The following STK17A variants were observed in gnomAD, a reference collection of about 807,000 sequenced individuals.
STK17A encodes serine/threonine-protein kinase 17A.
Under a neutral mutation model 43.7 loss-of-function variants are expected in STK17A, and 26 were observed. The ratio of observed to expected loss-of-function variants is 0.60; its 90% CI spans 0.44 to 0.83. The LOEUF is 0.83. Among genes scored for constraint, STK17A ranks in the 40% least tolerant of loss-of-function variants. The probability of loss-of-function intolerance (pLI) is 0.00; values close to 1 mark genes in which losing one functional copy is unlikely to be tolerated. For synonymous variants in STK17A, 191 were observed against 182.5 expected (o/e 1.05, Z -0.38); for missense variants, 476 against 511.6 (o/e 0.93, Z 0.67).
intron 3 of STK17A, among the ~76,000 whole-genome samples, chr7:43,616,347 A>C (rs565194066): frequency 1.2e-4 from 18 of 152,242 alleles, no homozygotes; most frequent in African/African-American, 4.3e-4. Flanking sequence ...TTATACTACC[A>C]CTAGTCCTAA....
chr7:43,616,620 G>A (rs754903186), intron 3 of STK17A, among the ~76,000 whole-genome samples: 8 of 152,284 alleles, frequency 5.3e-5, no homozygotes, highest in Admixed American at 1.3e-4. Flanking sequence ...CCGTCTGGCC[G>A]GGCGCGGTGG....
intron 1 of STK17A, 110 bp from the exon 2 acceptor site, chr7:43,595,791 A>T: frequency 1.1e-6 from 1 of 920,628 alleles, no homozygotes; most frequent in Non-Finnish European, 1.6e-6. Context: ...TTGTGATTGT[A>T]TATAAGCTAA....
chr7:43,597,455 C>G (rs978886923), intron 2 of STK17A, among the ~76,000 whole-genome samples: 5 of 151,878 alleles, frequency 3.3e-5, no homozygotes, highest in African/African-American at 7.3e-5. Flanking sequence ...TTGGCACAAT[C>G]TCGGCTTACT....
intron 1 of STK17A, among the ~76,000 whole-genome samples, chr7:43,585,695 T>C (rs1257907127): frequency 1.3e-5 from 2 of 151,652 alleles, no homozygotes; most frequent in East Asian, 3.8e-4. Context: ...TTACTAGTTA[T>C]GTGGACTTGA....
At chr7:43,618,351 G>T (rs945496223) in intron 3 of STK17A, among the ~76,000 whole-genome samples, 20 of 152,288 alleles carry the variant, frequency 1.3e-4, no homozygotes, top group African/African-American at 4.8e-4. Context: ...AGGGCGTCCT[G>T]AACAAAGGCA....
At chr7:43,608,180 T>C in intron 2 of STK17A, 76 bp from the exon 3 acceptor site, 2 of 1,397,978 alleles carry the variant, frequency 1.4e-6, no homozygotes, top group South Asian at 1.4e-5. Context: ...CTGTAATTAA[T>C]TTACTCTGTA....
chr7:43,617,236 C>T (rs985562908), intron 3 of STK17A, among the ~76,000 whole-genome samples: 4 of 152,056 alleles, frequency 2.6e-5, no homozygotes, highest in Non-Finnish European at 5.9e-5. Context: ...TGGAGGTTAC[C>T]TAAGAGCAAT....
intron 2 of STK17A, among the ~76,000 whole-genome samples, chr7:43,603,988 A>G (rs1206902831): frequency 2.6e-5 from 4 of 152,216 alleles, no homozygotes; most frequent in African/African-American, 9.6e-5. Flanking sequence ...GGTCCCAAAC[A>G]TTTAAGAGAA....
intron 2 of STK17A, among the ~76,000 whole-genome samples, chr7:43,607,821 GTTCT>G (rs981652211): frequency 2.2e-4 from 34 of 152,192 alleles, no homozygotes; most frequent in African/African-American, 8.0e-4. Flanking sequence ...CCAAAATGCA[GTTCT>G]TTATTTCAAT....
chr7:43,590,901 A>G (rs1583547213), intron 1 of STK17A, among the ~76,000 whole-genome samples: 1 of 151,542 alleles, frequency 6.6e-6, no homozygotes, highest in East Asian at 1.9e-4. Flanking sequence ...AATTTAGGGA[A>G]CTCTGTCAAT....
chr7:43,590,876 C>T lies in STK17A; in HGVS notation c.207-5025C>T, dbSNP rs1455251353. On this transcript the variant is annotated intron_variant, in intron 1 of 6. Transcript: ENST00000319357. ...CATGGTAAAATATGCATGTTGGAGC[C>T]CTTTTGAGGTATGGAATTTAGGGAA... Among the ~76,000 whole-genome samples, 2 of 151,230 alleles carry T rather than the reference C, an allele frequency of 1.3e-5. 1 individual carries two copies. The highest frequency in any genetic ancestry group is 3.0e-5 in the Non-Finnish European group (2 of 67,554).
chr7:43,611,796 G>GT (rs1197165865), intron 3 of STK17A, among the ~76,000 whole-genome samples: 31 of 152,092 alleles, frequency 2.0e-4, no homozygotes, highest in Non-Finnish European at 4.1e-4. Flanking sequence ...TTTTAATGAT[G>GT]TTTTACTAGT....
intron 4 of STK17A, chr7:43,622,163 G>C (rs186779069): frequency 1.6e-3 from 244 of 152,264 alleles, no homozygotes; most frequent in African/African-American, 5.4e-3. Flanking sequence ...CCACAGTCTT[G>C]CTATGTGGTC....
rs542629454 is a variant in STK17A, at chr7:43,591,201, C to T, written c.207-4700C>T. ...CAGCATAGGATAGAGCAGGGGTCAG[C>T]AAACTACAGCCAGCCACCTATTTTT... On this transcript the variant is annotated intron_variant, in intron 1 of 6. Transcript: ENST00000319357. Among the ~76,000 whole-genome samples, 16 of 151,664 alleles carry T rather than the reference C, an allele frequency of 1.1e-4. 2 individuals carry two copies. Among genetic ancestry groups the T allele is most frequent in the African/African-American group, 3.1e-4 (13 of 41,498 alleles).
At chr7:43,585,856 C>G (rs1220358768) in intron 1 of STK17A, among the ~76,000 whole-genome samples, 2 of 151,374 alleles carry the variant, frequency 1.3e-5, no homozygotes, top group African/African-American at 2.4e-5. Flanking sequence ...AAATGTAACC[C>G]AAAAAGAAAA....
chr7:43,620,597 C>T (rs2083781472), intron 4 of STK17A, among the ~76,000 whole-genome samples: 1 of 151,542 alleles, frequency 6.6e-6, no homozygotes, highest in African/African-American at 2.4e-5. Flanking sequence ...TGGCGTGAAC[C>T]TGGGAGGCGG....
At chr7:43,583,801 A>AAACCAGAGGTCTG (rs2082420255) in intron 1 of STK17A, among the ~76,000 whole-genome samples, 1 of 152,136 alleles carries the variant, frequency 6.6e-6, no homozygotes, top group Admixed American at 6.5e-5. Flanking sequence ...GCGGGTCTGA[A>AAACCAGAGGTCTG]AACCAGAGGT....
rs1209778366 is a variant in STK17A at position 43,583,236 on chromosome 7, T to G, written c.-8T>G. On this transcript the variant is annotated 5_prime_UTR_variant, in exon 1 of 7. Transcript: ENST00000319357. ...CAGGCGGCCAGGAAAGAAGCGGGCCTGAACACCATGATCCCTTTGGAGAAG... is the reference window on the plus strand; with the variant it reads ...CAGGCGGCCAGGAAAGAAGCGGGCCGGAACACCATGATCCCTTTGGAGAAG... 1 of 1,555,302 alleles carries G rather than the reference T, an allele frequency of 6.4e-7. No homozygotes were observed. The highest frequency in any genetic ancestry group is 8.7e-7 in the Non-Finnish European group (1 of 1,152,704).
At chr7:43,617,186 G>A (rs961107086) in intron 3 of STK17A, among the ~76,000 whole-genome samples, 6 of 152,192 alleles carry the variant, frequency 3.9e-5, no homozygotes, top group Admixed American at 3.9e-4. Flanking sequence ...TAGTTAGGCA[G>A]AAGCTGGACC....
Sources: gnomAD v4.1 joint callset for allele counts (sites outside exome capture counted in the v4.1 genomes callset) on GRCh38, gnomAD v4.1.1 for gene constraint, MANE v1.5 for transcripts, NCBI Gene and HGNC (gene_info 2026-07-23, HGNC 2026-07-21) for gene names.